The following ADAMTS17 variants were observed in gnomAD, a reference collection of about 807,000 sequenced individuals.
ADAMTS17 encodes the protein ADAM metallopeptidase with thrombospondin type 1 motif 17.
A neutral mutation model predicts 141.5 loss-of-function variants in ADAMTS17; 113 were observed. The ratio of observed to expected loss-of-function variants is 0.80; its 90% CI spans 0.69 to 0.93. ADAMTS17 has a LOEUF of 0.93. Ranked by LOEUF, ADAMTS17 falls within the 40% of genes least tolerant of loss-of-function variation. The pLI is 0.00. For synonymous variants in ADAMTS17, 768 were observed against 630.6 expected, an observed-to-expected ratio of 1.22 and a Z score of -3.27; for missense variants, 1,659 against 1,517.9, an observed-to-expected ratio of 1.09 and a Z score of -1.54.
intron 3 of ADAMTS17, among the ~76,000 whole-genome samples, chr15:100,314,095 AC>A (rs1290668291): frequency 2.0e-5 from 3 of 152,260 alleles, no homozygotes; most frequent in Non-Finnish European, 4.4e-5. Flanking sequence ...GTCAGACAAA[AC>A]CAAATTTAAA....
At chr15:100,297,818 G>C (rs2044876917) in intron 3 of ADAMTS17, among the ~76,000 whole-genome samples, 1 of 152,296 alleles carries the variant, frequency 6.6e-6, no homozygotes, top group African/African-American at 2.4e-5. Flanking sequence ...GAATCCTTTA[G>C]AGACCTCAAA....
intron 18 of ADAMTS17, among the ~76,000 whole-genome samples, chr15:100,048,055 A>C (rs1295134403): frequency 6.6e-6 from 1 of 152,166 alleles, no homozygotes; most frequent in Non-Finnish European, 1.5e-5. Flanking sequence ...GCAAAAGCCA[A>C]ATATGTTGTG....
intron 4 of ADAMTS17, among the ~76,000 whole-genome samples, chr15:100,270,849 A>C (rs1019203794): frequency 5.9e-5 from 8 of 135,852 alleles, no homozygotes; most frequent in Non-Finnish European, 1.3e-4. Context: ...ACTACTACCT[A>C]TCCCCAAAAC....
chr15:100,133,430 G>T, intron 10 of ADAMTS17, 115 bp from the exon 11 acceptor site: 1 of 973,602 alleles, frequency 1.0e-6, no homozygotes, highest in Non-Finnish European at 1.6e-6. Flanking sequence ...GAAACGTATG[G>T]GGAAGCCAGA....
At chr15:100,205,877 C>G (rs8034488) in intron 7 of ADAMTS17, among the ~76,000 whole-genome samples, 133,007 of 152,100 alleles carry the variant, frequency 0.87, 61,064 homozygotes, top group East Asian at 1. Context: ...GTGGGCGCCG[C>G]GGTCTCTGAA....
intron 16 of ADAMTS17, among the ~76,000 whole-genome samples, chr15:100,053,610 C>T (rs2032314126): frequency 6.6e-6 from 1 of 152,142 alleles, no homozygotes; most frequent in Non-Finnish European, 1.5e-5. Flanking sequence ...ATCCACGTGG[C>T]TAAGCATTTC....
rs1038293634 is a variant in ADAMTS17 at position 99,973,718 on chromosome 15, A to T, written c.*684T>A. 1.5e-4 allele frequency: 23 copies of T among 156,504 alleles called. No homozygotes were observed. The highest frequency in any genetic ancestry group is 5.5e-4 in the African/African-American group (23 of 41,586). The allele number at this position is 156,504 out of a possible 1,614,324, so 9.7% of individuals were successfully genotyped here. A position where few individuals can be genotyped will look rare whatever the true frequency, so the allele number is the denominator to read the frequency against. On this transcript the variant is annotated 3_prime_UTR_variant, in exon 22 of 22. Coordinates refer to ENST00000268070, the MANE Select transcript of ADAMTS17 (RefSeq NM_139057.4). Reference sequence around the variant, plus strand: ...CCCCAAACCCAGACTCTCTTGGAACATTCTTCCCATGCGGGTGGTATGAAC... The same window carrying T: ...CCCCAAACCCAGACTCTCTTGGAACTTTCTTCCCATGCGGGTGGTATGAAC...
chr15:100,211,843 C>T (rs750978792), intron 7 of ADAMTS17, among the ~76,000 whole-genome samples: 5 of 152,146 alleles, frequency 3.3e-5, no homozygotes, highest in Admixed American at 6.5e-5. Flanking sequence ...TGACAATAAC[C>T]GGCAAGGTTA....
At chr15:100,193,990 C>G (rs964474085) in intron 8 of ADAMTS17, among the ~76,000 whole-genome samples, 2 of 152,224 alleles carry the variant, frequency 1.3e-5, no homozygotes, top group African/African-American at 4.8e-5. Flanking sequence ...TTTCTTGAAC[C>G]CTGGTCTGGC....
rs2038069911 is a variant in ADAMTS17, at chr15:100,131,993, G to C, written c.1721+14C>G. 1.9e-6 allele frequency: 3 copies of C among 1,614,234 alleles called. No individual in the cohort carries two copies. Among genetic ancestry groups the C allele is most frequent in the South Asian group, 1.1e-5 (1 of 91,090 alleles). ...ATCGTGGCACGTTGGGGTATGGCTG[G>C]TCAGGGGACTTACGGGGGGTTGTCA... On this transcript the variant is annotated intron_variant, in intron 12 of 21. Coordinates refer to ENST00000268070, the MANE Select transcript of ADAMTS17 (RefSeq NM_139057.4).
At chr15:100,025,414 C>CT (rs530003718) in intron 18 of ADAMTS17, among the ~76,000 whole-genome samples, 15,892 of 135,830 alleles carry the variant, frequency 0.12, 2,330 homozygotes, top group African/African-American at 0.35. Context: ...CTTTTCTTTT[C>CT]TTTTTTTTTT....
chr15:100,326,893 C>T (rs775792344), intron 3 of ADAMTS17, among the ~76,000 whole-genome samples: 1 of 152,222 alleles, frequency 6.6e-6, no homozygotes, highest in South Asian at 2.1e-4. Flanking sequence ...AAAGAAGTGA[C>T]CGCAGAGAAG....
intron 20 of ADAMTS17, among the ~76,000 whole-genome samples, chr15:99,981,136 G>A (rs1596146363): frequency 6.6e-6 from 1 of 152,356 alleles, no homozygotes; most frequent in African/African-American, 2.4e-5. Flanking sequence ...TGAATAAGAG[G>A]TTGTACTGAA....
At chr15:100,212,234 C>A (rs1596290856) in intron 7 of ADAMTS17, among the ~76,000 whole-genome samples, 1 of 152,192 alleles carries the variant, frequency 6.6e-6, no homozygotes, top group African/African-American at 2.4e-5. Flanking sequence ...CTGAACCCAG[C>A]CAGTCTGGCT....
At chr15:100,280,689 G>GCCCT (rs2044249808) in intron 4 of ADAMTS17, among the ~76,000 whole-genome samples, 1 of 152,262 alleles carries the variant, frequency 6.6e-6, no homozygotes, top group Non-Finnish European at 1.5e-5. Flanking sequence ...AAGCTAGGAT[G>GCCCT]CCCTTGAAGG....
At chr15:100,218,862 CACGTCCACCTGAACACGCAA>C (rs1449086013) in intron 7 of ADAMTS17, among the ~76,000 whole-genome samples, 125 of 151,848 alleles carry the variant, frequency 8.2e-4, no homozygotes, top group Non-Finnish European at 1.1e-3. Context: ...TAAACACGCA[CACGTCCACCTGAACACGCAA>C]ACGTCCACCT....
chr15:100,057,698 C>T (rs983014578), intron 15 of ADAMTS17, among the ~76,000 whole-genome samples: 7 of 152,198 alleles, frequency 4.6e-5, no homozygotes, highest in African/African-American at 7.2e-5. Flanking sequence ...GCCCATCACC[C>T]AACCCCAAAC....
chr15:100,165,894 GT>G (rs888502731), intron 8 of ADAMTS17, among the ~76,000 whole-genome samples: 6 of 150,624 alleles, frequency 4.0e-5, no homozygotes, highest in South Asian at 2.1e-4. Flanking sequence ...TCTCTTTTTT[GT>G]TTTTTTTTCC....
chr15:99,974,505 C>T lies in ADAMTS17; in HGVS notation c.3185G>A (p.Arg1062Gln), dbSNP rs376423645. 8.8e-5 allele frequency: 142 copies of T among 1,614,078 alleles called. No homozygotes were observed. The highest frequency in any genetic ancestry group is 1.1e-4 in the Non-Finnish European group (132 of 1,180,030). ...CATGTCCTGGCAGAGGTTCTTTTCT[C>T]GGATGACCCGGCAATATACCGTCCA... ...DQWTVYCRVI[R>Q]EKNLCQDMRW... The change falls in exon 22 of 22, where the codon CGA becomes CAA. Residue 1062 changes from arginine to glutamine, a missense_variant. Coordinates refer to ENST00000268070, the MANE Select transcript of ADAMTS17 (RefSeq NM_139057.4).
Sources: gnomAD v4.1 joint callset for allele counts (sites outside exome capture counted in the v4.1 genomes callset) on GRCh38, gnomAD v4.1.1 for gene constraint, MANE v1.5 for transcripts, NCBI Gene and HGNC (gene_info 2026-07-23, HGNC 2026-07-21) for gene names.